Variants in TTC17 observed in about 807,000 individuals in gnomAD.
TTC17 encodes the protein tetratricopeptide repeat protein 17.
Under a neutral mutation model 143.8 loss-of-function variants are expected in TTC17, and 58 were observed. That is an observed-to-expected ratio of 0.40 (90% CI 0.33 to 0.50). The LOEUF is 0.50. Among genes scored for constraint, TTC17 ranks in the 20% least tolerant of loss-of-function variants. The pLI is 0.49. For synonymous variants in TTC17, 501 were observed against 497.8 expected, an observed-to-expected ratio of 1.01 and a Z score of -0.09; for missense variants, 1,273 against 1,392.5, an observed-to-expected ratio of 0.91 and a Z score of 1.37.
rs1354898379 is a variant in TTC17 at position 43,362,160 on chromosome 11, TG to T, written c.159+3048del. ...CACACCCGGCTAATTTGTGTGTGTG[TG>T]TGTGTGTGTGTGTGTGTGTGTGTGT... On this transcript the variant is annotated intron_variant, in intron 1 of 23. Transcript: ENST00000039989. Among the ~76,000 whole-genome samples, 7 of 123,842 alleles carry T rather than the reference TG, an allele frequency of 5.7e-5. No homozygotes were observed. The Admixed American group carries it at 6.7e-4, about 12-fold the overall frequency. The allele number at this position is 123,842 out of a possible 152,430, so 81.2% of individuals were successfully genotyped here. A position where few individuals can be genotyped will look rare whatever the true frequency, so the allele number is the denominator to read the frequency against.
intron 16 of TTC17, among the ~76,000 whole-genome samples, chr11:43,415,828 T>TA (rs1946765755): frequency 6.6e-6 from 1 of 152,162 alleles, no homozygotes; most frequent in African/African-American, 2.4e-5. Flanking sequence ...TATACCTCTG[T>TA]AGCTCAGTTG....
At chr11:43,414,175 A>G (rs1019396811) in intron 15 of TTC17, among the ~76,000 whole-genome samples, 8 of 152,152 alleles carry the variant, frequency 5.3e-5, no homozygotes, top group African/African-American at 1.9e-4. Flanking sequence ...AAAAGGACAC[A>G]TATTACATGT....
At position 43,391,459 on chromosome 11, in the gene TTC17, T is replaced by G; in HGVS notation, c.420-6T>G. The G allele has an allele frequency of 6.6e-7, 1 of 1,517,896 alleles. No homozygotes were observed. The highest frequency in any genetic ancestry group is 9.1e-7 in the Non-Finnish European group (1 of 1,104,490). The allele number at this position is 1,517,896 out of a possible 1,614,324, so 94.0% of individuals were successfully genotyped here. A position where few individuals can be genotyped will look rare whatever the true frequency, so the allele number is the denominator to read the frequency against. On this transcript the variant is annotated splice_polypyrimidine_tract_variant and splice_region_variant and intron_variant, in intron 3 of 23. Coordinates refer to ENST00000039989, the MANE Select transcript of TTC17 (RefSeq NM_018259.6). ...TTATTCATTCATTGCTTCTTTTTGA[T>G]TTTAGTCCTGAAGATTATATAGACA...
At chr11:43,402,247 C>A (rs1326749339) in intron 10 of TTC17, among the ~76,000 whole-genome samples, 1 of 152,056 alleles carries the variant, frequency 6.6e-6, no homozygotes, top group Non-Finnish European at 1.5e-5. Context: ...TCCCCACTTT[C>A]CCTTTTAGAG....
intron 5 of TTC17, among the ~76,000 whole-genome samples, chr11:43,395,983 A>T (rs1197471352): frequency 2.6e-5 from 4 of 152,140 alleles, no homozygotes; most frequent in African/African-American, 9.7e-5. Context: ...AATATGTATG[A>T]TAATGTAATA....
chr11:43,492,244 T>G (rs1948487085), intron 23 of TTC17, 81 bp downstream of exon 23: 5 of 1,501,592 alleles, frequency 3.3e-6, no homozygotes, highest in Non-Finnish European at 4.5e-6. Flanking sequence ...TTTGAATATG[T>G]CATTGCCCAC....
intron 21 of TTC17, 98 bp from the exon 22 acceptor site, chr11:43,490,141 C>T (rs1948448392): frequency 6.8e-7 from 1 of 1,476,078 alleles, no homozygotes; most frequent in Non-Finnish European, 9.1e-7. Context: ...AGTAAATACT[C>T]AGTTGAATGG....
At chr11:43,359,652 C>G (rs1856016555) in intron 1 of TTC17, among the ~76,000 whole-genome samples, 1 of 152,218 alleles carries the variant, frequency 6.6e-6, no homozygotes, top group South Asian at 2.1e-4. Context: ...TGTACCGTTA[C>G]TCAGGTCAGC....
At chr11:43,434,922 A>C (rs998131687) in intron 16 of TTC17, among the ~76,000 whole-genome samples, 14 of 152,174 alleles carry the variant, frequency 9.2e-5, no homozygotes, top group Non-Finnish European at 1.6e-4. Flanking sequence ...TTTTGAGTCC[A>C]TTACATTTTC....
chr11:43,448,232 C>G (rs1230904124), intron 19 of TTC17, 110 bp downstream of exon 19: 2 of 1,456,828 alleles, frequency 1.4e-6, no homozygotes, highest in Admixed American at 4.5e-5. Flanking sequence ...CTTTCTAGAG[C>G]TGAATTTTCA....
At chr11:43,407,314 G>A in intron 14 of TTC17, 39 bp from the exon 15 acceptor site, 1 of 1,590,920 alleles carries the variant, frequency 6.3e-7, no homozygotes, top group Non-Finnish European at 8.6e-7. Context: ...AACAAGTACT[G>A]TATTCTTGTA....
intron 21 of TTC17, among the ~76,000 whole-genome samples, chr11:43,472,249 G>A (rs1948105900): frequency 6.6e-6 from 1 of 152,108 alleles, no homozygotes; most frequent in Non-Finnish European, 1.5e-5. Context: ...GGAGGCTGAG[G>A]CAGGAGAATC....
intron 21 of TTC17, among the ~76,000 whole-genome samples, chr11:43,475,995 A>C (rs1438699611): frequency 6.6e-6 from 1 of 152,190 alleles, no homozygotes; most frequent in Non-Finnish European, 1.5e-5. Context: ...ACAAATTCTG[A>C]TGTGTTTTAT....
chr11:43,465,230 C>G (rs1162022280), intron 21 of TTC17, among the ~76,000 whole-genome samples: 1 of 152,110 alleles, frequency 6.6e-6, no homozygotes, highest in African/African-American at 2.4e-5. Context: ...TGTCTACTTG[C>G]CAAGCTAAAG....
chr11:43,411,666 ATC>A (rs1858420003), intron 15 of TTC17, among the ~76,000 whole-genome samples: 2 of 152,190 alleles, frequency 1.3e-5, no homozygotes, highest in African/African-American at 2.4e-5. Flanking sequence ...TAACCAGTTT[ATC>A]TCAATGCAGG....
rs758988696 is a variant in TTC17, at chr11:43,492,079, C to T, written c.3210C>T (p.Ala1070=). ...ILHNAKLWND[A]VIVATMAVEI... The stretch of plus-strand genomic sequence containing the variant: ...ACAATGCCAAGCTCTGGAATGACGC[C>T]GTCATAGTAGCCACCATGGCAGTAG... Residue 1070 remains alanine (A), a synonymous_variant, in exon 23 of 24, where the codon GCC becomes GCT. Transcript: ENST00000039989. The T allele has an allele frequency of 2.2e-5, 36 of 1,613,950 alleles. No homozygotes were observed. The highest frequency in any genetic ancestry group is 1.2e-4 in the African/African-American group (9 of 74,900).
At chr11:43,385,814 A>T (rs909257139) in intron 2 of TTC17, 2 of 151,584 alleles carry the variant, frequency 1.3e-5, no homozygotes, top group Admixed American at 6.6e-5. Context: ...TAATATAAAT[A>T]TGGAAATAAT....
intron 21 of TTC17, among the ~76,000 whole-genome samples, chr11:43,482,212 G>A (rs985786212): frequency 8.0e-5 from 12 of 149,658 alleles, no homozygotes; most frequent in South Asian, 2.1e-4. Context: ...CTTGTCTTCC[G>A]CTTGCTTAGG....
intron 16 of TTC17, 49 bp downstream of exon 16, chr11:43,414,825 C>T: frequency 6.4e-7 from 1 of 1,554,120 alleles, no homozygotes; most frequent in African/African-American, 1.4e-5. Context: ...GCCAGAGTTC[C>T]TCTTCTGATC....
Sources: gnomAD v4.1 joint callset for allele counts (sites outside exome capture counted in the v4.1 genomes callset) on GRCh38, gnomAD v4.1.1 for gene constraint, MANE v1.5 for transcripts, NCBI Gene and HGNC (gene_info 2026-07-23, HGNC 2026-07-21) for gene names.